The following MS4A13 variants were observed in gnomAD, a reference collection of about 807,000 sequenced individuals.
MS4A13 encodes membrane spanning 4-domains A13, also known as membrane-spanning 4-domains subfamily A member 13.
MS4A13 carries 21 observed loss-of-function variants against 18.4 expected under a neutral mutation model. The ratio of observed to expected loss-of-function variants is 1.14; its 90% CI spans 0.81 to 1.64. MS4A13 has a LOEUF of 1.64. Ranked by LOEUF, MS4A13 falls within the 40% of genes most tolerant of loss-of-function variation. The pLI is 0.00. For synonymous variants in MS4A13, 62 were observed against 57.2 expected (o/e 1.08, Z -0.38); for missense variants, 173 against 176.8 (o/e 0.98, Z 0.12).
chr11:60,522,627 T>G (rs1337390617), intron 3 of MS4A13, among the ~76,000 whole-genome samples: 1 of 152,176 alleles, frequency 6.6e-6, no homozygotes, highest in South Asian at 2.1e-4. Context: ...CACTAATTCA[T>G]AAGTGTCAAT....
At chr11:60,541,709 T>A (rs1590883982) in intron 6 of MS4A13, among the ~76,000 whole-genome samples, 1 of 152,236 alleles carries the variant, frequency 6.6e-6, no homozygotes, top group African/African-American at 2.4e-5. Flanking sequence ...GGTGCTGGCA[T>A]CTATTAAGAT....
intron 5 of MS4A13, among the ~76,000 whole-genome samples, chr11:60,526,057 T>G (rs1339592751): frequency 6.6e-5 from 10 of 151,946 alleles, no homozygotes; most frequent in Admixed American, 6.6e-4. Context: ...TCATTACAGG[T>G]GAAGGATAAA....
intron 3 of MS4A13, among the ~76,000 whole-genome samples, chr11:60,522,513 A>C (rs2086684496): frequency 6.6e-6 from 1 of 152,164 alleles, no homozygotes; most frequent in Non-Finnish European, 1.5e-5. Flanking sequence ...CACTTCGAAC[A>C]GATGGAATGA....
chr11:60,531,494 G>C (rs1192409005), intron 6 of MS4A13, among the ~76,000 whole-genome samples: 2 of 152,192 alleles, frequency 1.3e-5, no homozygotes, highest in South Asian at 2.1e-4. Flanking sequence ...TAAAGTAAAA[G>C]CTGGGGCAAC....
intron 6 of MS4A13, among the ~76,000 whole-genome samples, chr11:60,532,182 A>G (rs966944119): frequency 9.2e-5 from 14 of 152,238 alleles, no homozygotes; most frequent in African/African-American, 3.4e-4. Context: ...AGATGGCCGA[A>G]TAGGAACAGC....
chr11:60,538,699 C>T (rs2086832085), intron 6 of MS4A13, among the ~76,000 whole-genome samples: 1 of 149,476 alleles, frequency 6.7e-6, no homozygotes, highest in Admixed American at 6.7e-5. Flanking sequence ...TAAGATAATC[C>T]CTATGACTTT....
intron 4 of MS4A13, among the ~76,000 whole-genome samples, 168 bp downstream of exon 4, chr11:60,524,121 A>G (rs1158884860): frequency 6.6e-6 from 1 of 152,214 alleles, no homozygotes; most frequent in African/African-American, 2.4e-5. Context: ...ATAGACAAAT[A>G]TACTGTATTG....
chr11:60,521,932 T>A (rs566693311), intron 3 of MS4A13, among the ~76,000 whole-genome samples: 14 of 152,240 alleles, frequency 9.2e-5, no homozygotes, highest in Admixed American at 1.3e-4. Flanking sequence ...GCCTCACAAT[T>A]GTGGCAGAAG....
intron 6 of MS4A13, among the ~76,000 whole-genome samples, chr11:60,532,676 C>G (rs2086780599): frequency 1.3e-5 from 2 of 150,292 alleles, no homozygotes; most frequent in African/African-American, 2.4e-5. Context: ...CACCACAGCT[C>G]AAGGAGGCCT....
intron 2 of MS4A13, among the ~76,000 whole-genome samples, chr11:60,517,864 A>G (rs745976386): frequency 1.3e-5 from 2 of 152,308 alleles, no homozygotes; most frequent in South Asian, 4.1e-4. Context: ...TGTTGCTTTC[A>G]GTATGACTGA....
At chr11:60,531,374 T>G (rs1392022346) in intron 6 of MS4A13, among the ~76,000 whole-genome samples, 1 of 152,166 alleles carries the variant, frequency 6.6e-6, no homozygotes, top group Non-Finnish European at 1.5e-5. Context: ...AACTTCCTAC[T>G]TTTCCCCTGT....
intron 6 of MS4A13, among the ~76,000 whole-genome samples, chr11:60,532,030 A>C (rs2086771452): frequency 6.6e-6 from 1 of 152,248 alleles, no homozygotes; most frequent in South Asian, 2.1e-4. Context: ...TTTCAACAAC[A>C]AAAAGTATGC....
intron 6 of MS4A13, among the ~76,000 whole-genome samples, chr11:60,531,940 G>A (rs2086770330): frequency 6.6e-6 from 1 of 152,066 alleles, no homozygotes; most frequent in Admixed American, 6.6e-5. Context: ...ACTAACCACT[G>A]GTATTGCTAA....
intron 6 of MS4A13, among the ~76,000 whole-genome samples, chr11:60,531,887 C>T (rs2086769830): frequency 6.6e-6 from 1 of 152,190 alleles, no homozygotes; most frequent in South Asian, 2.1e-4. Context: ...AATACAGTCA[C>T]ATTCCAAGGT....
chr11:60,532,666 C>G (rs1308317237), intron 6 of MS4A13, among the ~76,000 whole-genome samples: 1 of 150,872 alleles, frequency 6.6e-6, no homozygotes. Flanking sequence ...GGGTGGAGCC[C>G]ACCACAGCTC....
At chr11:60,530,770 T>A (rs2086759778) in intron 6 of MS4A13, among the ~76,000 whole-genome samples, 1 of 152,188 alleles carries the variant, frequency 6.6e-6, no homozygotes, top group Admixed American at 6.5e-5. Context: ...AGGAACCTGA[T>A]GGGAGGAAAC....
intron 5 of MS4A13, among the ~76,000 whole-genome samples, chr11:60,527,038 A>C (rs1277775854): frequency 6.6e-6 from 1 of 152,140 alleles, no homozygotes; most frequent in East Asian, 1.9e-4. Flanking sequence ...CTACTTGGCT[A>C]TGTTTCTATC....
chr11:60,538,287 G>T (rs867260191), intron 6 of MS4A13, among the ~76,000 whole-genome samples: 15 of 151,812 alleles, frequency 9.9e-5, no homozygotes, highest in East Asian at 1.9e-4. Context: ...AGGCAAAAAG[G>T]TGTTGATCAA....
intron 6 of MS4A13, among the ~76,000 whole-genome samples, chr11:60,537,985 C>A (rs1408677096): frequency 8.2e-6 from 1 of 122,012 alleles, no homozygotes; most frequent in African/African-American, 3.2e-5. Flanking sequence ...AATGAGATCA[C>A]ATGGACACAG....
Sources: gnomAD v4.1 joint callset for allele counts (sites outside exome capture counted in the v4.1 genomes callset) on GRCh38, gnomAD v4.1.1 for gene constraint, MANE v1.5 for transcripts, NCBI Gene and HGNC (gene_info 2026-07-23, HGNC 2026-07-21) for gene names.